SPDYA: variants seen among roughly 807,000 people sequenced by gnomAD.
The protein encoded by SPDYA is speedy protein A.
A neutral mutation model predicts 36.7 loss-of-function variants in SPDYA; 11 were observed. The observed-to-expected ratio is 0.30, with a 90% CI of 0.19 to 0.50. The LOEUF is 0.50. SPDYA is among the 20% of genes least tolerant of loss of function. The probability of loss-of-function intolerance (pLI) is 0.98; values close to 1 mark genes in which losing one functional copy is unlikely to be tolerated. For synonymous variants in SPDYA, 115 were observed against 118.7 expected, an observed-to-expected ratio of 0.97 and a Z score of 0.20; for missense variants, 287 against 370.9, an observed-to-expected ratio of 0.77 and a Z score of 1.86.
rs182618395 is a variant in SPDYA at position 28,821,056 on chromosome 2, A to T, written c.295-1269A>T. On this transcript the variant is annotated intron_variant, in intron 4 of 7. Coordinates refer to ENST00000334056, the MANE Select transcript of SPDYA (RefSeq NM_182756.4). ...ACATCCTAACATTTTATCCATAAAT[A>T]TTTCACAATATATCACTAAAAGTTA... Among the ~76,000 whole-genome samples the T allele has an allele frequency of 1.3e-3, 203 of 152,310 alleles. 1 individual carries two copies. The highest frequency in any genetic ancestry group is 2.4e-3 in the Non-Finnish European group (160 of 68,028).
chr2:28,846,623 CTTAT>C (rs1369987399), intron 7 of SPDYA, among the ~76,000 whole-genome samples: 1 of 151,892 alleles, frequency 6.6e-6, no homozygotes, highest in Admixed American at 6.6e-5. Flanking sequence ...TGTAAACATA[CTTAT>C]TGTTTGGAGG....
intron 4 of SPDYA, among the ~76,000 whole-genome samples, chr2:28,821,360 C>T (rs373244444): frequency 2.0e-5 from 3 of 151,780 alleles, no homozygotes; most frequent in East Asian, 1.9e-4. Flanking sequence ...CCACCACGCC[C>T]GGCTAATTTT....
chr2:28,850,438 C>A lies in SPDYA; in HGVS notation c.*497C>A, dbSNP rs1172630359. 2.2e-6 allele frequency: 3 copies of A among 1,378,254 alleles called. No individual in the cohort carries two copies. Among genetic ancestry groups the A allele is most frequent in the Non-Finnish European group, 3.0e-6 (3 of 995,954 alleles). 85.4% of individuals were successfully genotyped at this position (1,378,254 alleles called of 1,614,324 possible). ...AAAAAAATATATGTACTATAAGCTACATAAAATATTTTCTATTTTTTTCAC... is the reference window on the plus strand; with the variant it reads ...AAAAAAATATATGTACTATAAGCTAAATAAAATATTTTCTATTTTTTTCAC... On this transcript the variant is annotated 3_prime_UTR_variant, in exon 8 of 8. Transcript: ENST00000334056.
chr2:28,826,384 G>A (rs902753660), intron 5 of SPDYA, among the ~76,000 whole-genome samples: 4 of 151,950 alleles, frequency 2.6e-5, no homozygotes, highest in African/African-American at 9.7e-5. Flanking sequence ...TAATCCACCC[G>A]CCTAAGCCTC....
intron 4 of SPDYA, among the ~76,000 whole-genome samples, chr2:28,819,386 T>C (rs1027972300): frequency 7.2e-5 from 11 of 151,964 alleles, no homozygotes; most frequent in Non-Finnish European, 1.6e-4. Context: ...CATGCACCTG[T>C]AGTTCCAGCC....
chr2:28,840,365 C>G lies in SPDYA; in HGVS notation c.746C>G (p.Ser249Cys), dbSNP rs2148104614. The G allele has an allele frequency of 1.2e-6, 2 of 1,611,088 alleles. No homozygotes were observed. Among genetic ancestry groups the G allele is most frequent in the Non-Finnish European group, 1.7e-6 (2 of 1,178,860 alleles). Residue 249 changes from serine (S) to cysteine (C), a missense_variant, in exon 7 of 8, where the codon TCC becomes TGC. By Grantham distance (112) the Ser-to-Cys change is moderately radical. Transcript: ENST00000334056. ...GGATTGTCTTCATCATCATCTTTAT[C>G]CAGTCATACAGCAGGGGTGACAGAA... ...RLGLSSSSSL[S>C]SHTAGVTEKH...
At position 28,850,121 on chromosome 2, in the gene SPDYA, T is replaced by C. The variant is rs1436706730; in HGVS notation, c.*180T>C. The stretch of plus-strand genomic sequence containing the variant: ...AGTAATAGCTAAAAATGCCAATCTA[T>C]GGAAGCAGTGATTTTCAATATAAAG... On this transcript the variant is annotated 3_prime_UTR_variant, in exon 8 of 8. Transcript: ENST00000334056. The C allele has an allele frequency of 7.9e-6, 11 of 1,386,832 alleles. No homozygotes were observed. Among genetic ancestry groups the C allele is most frequent in the Non-Finnish European group, 1.1e-5 (11 of 992,384 alleles). 85.9% of individuals were successfully genotyped at this position (1,386,832 alleles called of 1,614,324 possible).
At chr2:28,828,823 G>A (rs1668401223) in intron 5 of SPDYA, among the ~76,000 whole-genome samples, 1 of 152,204 alleles carries the variant, frequency 6.6e-6, no homozygotes, top group African/African-American at 2.4e-5. Context: ...TCTTGCCTCA[G>A]TAGTGAGGAA....
chr2:28,830,200 CTTTTT>C (rs573724918), intron 6 of SPDYA, among the ~76,000 whole-genome samples: 1 of 108,734 alleles, frequency 9.2e-6, no homozygotes, highest in Admixed American at 1.1e-4. Flanking sequence ...ATAGTAAGTA[CTTTTT>C]TTTTTTTTTT....
At chr2:28,840,920 T>A in intron 7 of SPDYA, 212 of 191,322 alleles carry the variant, frequency 1.1e-3, no homozygotes, top group Non-Finnish European at 1.8e-3. Flanking sequence ...TATTGAGTCC[T>A]CCAAAACCAG....
intron 6 of SPDYA, among the ~76,000 whole-genome samples, chr2:28,837,939 A>C (rs1572511835): frequency 6.6e-6 from 1 of 151,980 alleles, no homozygotes; most frequent in African/African-American, 2.4e-5. Flanking sequence ...CAGAGGGCCA[A>C]GTATCAAATT....
chr2:28,823,738 TATATA>T (rs1668235877), intron 5 of SPDYA, among the ~76,000 whole-genome samples: 1 of 70,424 alleles, frequency 1.4e-5, no homozygotes, highest in African/African-American at 4.8e-5. Context: ...TATATATATA[TATATA>T]TAAAATTTTT....
intron 6 of SPDYA, among the ~76,000 whole-genome samples, chr2:28,839,949 T>G (rs1442445308): frequency 6.6e-6 from 1 of 152,248 alleles, no homozygotes; most frequent in Non-Finnish European, 1.5e-5. Context: ...TCCTATTTCC[T>G]GTTTAAAATA....
At chr2:28,830,195 A>C (rs1308325054) in intron 6 of SPDYA, among the ~76,000 whole-genome samples, 1 of 141,758 alleles carries the variant, frequency 7.1e-6, no homozygotes, top group Non-Finnish European at 1.5e-5. Context: ...CTTCTATAGT[A>C]AGTACTTTTT....
chr2:28,816,271 A>G (rs897818966), intron 3 of SPDYA, 22 bp downstream of exon 3: 6 of 1,511,178 alleles, frequency 4.0e-6, no homozygotes, highest in Non-Finnish European at 5.4e-6. Flanking sequence ...ATATTGTAAT[A>G]GTGGTAATTA....
chr2:28,826,912 C>T (rs1668339300), intron 5 of SPDYA, among the ~76,000 whole-genome samples: 2 of 150,314 alleles, frequency 1.3e-5, no homozygotes, highest in Admixed American at 1.3e-4. Context: ...CCACTGGACC[C>T]ATCCCCATCT....
At chr2:28,827,073 G>C (rs1668346659) in intron 5 of SPDYA, among the ~76,000 whole-genome samples, 1 of 151,316 alleles carries the variant, frequency 6.6e-6, no homozygotes, top group African/African-American at 2.4e-5. Flanking sequence ...CGAGTAGCTG[G>C]GACTACTGGC....
intron 5 of SPDYA, among the ~76,000 whole-genome samples, chr2:28,827,744 C>A (rs996775953): frequency 1.3e-5 from 2 of 152,052 alleles, no homozygotes; most frequent in Non-Finnish European, 2.9e-5. Flanking sequence ...GTTTCATGTG[C>A]TTTGAGGTTC....
At chr2:28,818,621 T>TC (rs1246983619) in intron 3 of SPDYA, among the ~76,000 whole-genome samples, 1 of 152,212 alleles carries the variant, frequency 6.6e-6, no homozygotes, top group African/African-American at 2.4e-5. Flanking sequence ...TGTTTGTTGA[T>TC]CTTTTTATCC....
Sources: gnomAD v4.1 joint callset for allele counts (sites outside exome capture counted in the v4.1 genomes callset) on GRCh38, gnomAD v4.1.1 for gene constraint, MANE v1.5 for transcripts, NCBI Gene and HGNC (gene_info 2026-07-23, HGNC 2026-07-21) for gene names.